EFCC1: variants seen among roughly 807,000 people sequenced by gnomAD.
EFCC1 encodes the protein EF-hand and coiled-coil domain containing 1.
Under a neutral mutation model 52.1 loss-of-function variants are expected in EFCC1, and 50 were observed. That is an observed-to-expected ratio of 0.96 (90% CI 0.76 to 1.21). EFCC1 has a LOEUF of 1.21. EFCC1 is among the 50% of genes most tolerant of loss of function. The probability of loss-of-function intolerance (pLI) is 0.00; values close to 1 mark genes in which losing one functional copy is unlikely to be tolerated. For synonymous variants in EFCC1, 399 were observed against 396.5 expected, an observed-to-expected ratio of 1.01 and a Z score of -0.08; for missense variants, 837 against 867.3, an observed-to-expected ratio of 0.97 and a Z score of 0.44.
chr3:129,018,917 G>A (rs1945708531), intron 2 of EFCC1, among the ~76,000 whole-genome samples: 1 of 152,126 alleles, frequency 6.6e-6, no homozygotes, highest in Admixed American at 6.5e-5. Flanking sequence ...TGCATCTTCT[G>A]GCTGCTTTTC....
intron 1 of EFCC1, among the ~76,000 whole-genome samples, chr3:129,002,947 T>C (rs746087275): frequency 7.9e-5 from 12 of 151,570 alleles, no homozygotes; most frequent in Non-Finnish European, 1.6e-4. Flanking sequence ...AACCATGGGG[T>C]GAGATAGGGA....
chr3:129,003,951 C>A lies in EFCC1; in HGVS notation c.854C>A (p.Ala285Glu). 5 of 1,418,118 alleles carry A rather than the reference C, an allele frequency of 3.5e-6. No homozygotes were observed. Among genetic ancestry groups the A allele is most frequent in the South Asian group, 1.4e-5 (1 of 69,700 alleles). The allele number at this position is 1,418,118 out of a possible 1,614,324, so 87.8% of individuals were successfully genotyped here. A position where few individuals can be genotyped will look rare whatever the true frequency, so the allele number is the denominator to read the frequency against. ...RRGQAEVRRR[A>E]EEARQVVLRS... ...GGCCAGGCCGAGGTGCGGCGGCGCG[C>A]GGAGGAGGCCCGGCAGGTGGTGCTG... Residue 285 changes from alanine to glutamate, a missense_variant, in exon 2 of 8, where the codon GCG becomes GAG. Transcript: ENST00000683648.
chr3:129,012,012 C>G (rs1460621979), intron 2 of EFCC1, among the ~76,000 whole-genome samples: 1 of 152,248 alleles, frequency 6.6e-6, no homozygotes, highest in Non-Finnish European at 1.5e-5. Flanking sequence ...CTGCTACTTC[C>G]CACAGGTGGG....
chr3:129,005,685 G>C (rs1406790016), intron 2 of EFCC1, among the ~76,000 whole-genome samples: 1 of 152,196 alleles, frequency 6.6e-6, no homozygotes, highest in Non-Finnish European at 1.5e-5. Context: ...GGGTGGAGCA[G>C]CCAGAAGGGG....
chr3:129,016,163 T>C (rs1945573776), intron 2 of EFCC1, among the ~76,000 whole-genome samples: 1 of 152,216 alleles, frequency 6.6e-6, no homozygotes, highest in Non-Finnish European at 1.5e-5. Context: ...ACCGCTCCCT[T>C]GGTTACAGCA....
chr3:129,004,064 C>A lies in EFCC1; in HGVS notation c.967C>A (p.Leu323Met), dbSNP rs1944944184. ...QRWVRRLEAE[L>M]QRYRSEDSQL... ...CTGGGTGCGGCGGCTGGAGGCGGAG[C>A]TGCAACGCTACAGGTGAGCGGGGGC... Residue 323 changes from leucine (L) to methionine (M), a missense_variant, in exon 2 of 8, where the codon CTG becomes ATG. Coordinates refer to ENST00000683648, the MANE Select transcript of EFCC1 (RefSeq NM_001377500.1). 6.6e-7 allele frequency: 1 copy of A among 1,509,368 alleles called. No homozygotes were observed. The highest frequency in any genetic ancestry group is 2.1e-5 in the Admixed American group (1 of 48,416). The allele number at this position is 1,509,368 out of a possible 1,614,324, so 93.5% of individuals were successfully genotyped here. A position where few individuals can be genotyped will look rare whatever the true frequency, so the allele number is the denominator to read the frequency against.
At chr3:129,032,988 A>G in intron 4 of EFCC1, 22 bp downstream of exon 4, 1 of 1,510,504 alleles carries the variant, frequency 6.6e-7, no homozygotes, top group Non-Finnish European at 8.9e-7. Flanking sequence ...GTCCAGCGTC[A>G]GCCACTGTGG....
chr3:129,026,396 C>T (rs1946109921), intron 2 of EFCC1, among the ~76,000 whole-genome samples: 1 of 151,950 alleles, frequency 6.6e-6, no homozygotes, highest in Non-Finnish European at 1.5e-5. Context: ...GGAAAGATTT[C>T]AATATTAATG....
intron 2 of EFCC1, among the ~76,000 whole-genome samples, chr3:129,024,816 T>C (rs2107923745): frequency 6.6e-6 from 1 of 152,236 alleles, no homozygotes; most frequent in African/African-American, 2.4e-5. Flanking sequence ...GGGGATTAGG[T>C]TTCCAACACG....
In EFCC1 at chr3:129,003,895, G is replaced by T. The variant is rs1418627671; in HGVS notation, c.798G>T (p.Ala266=). ...GTCAGGCGCAGGGCGCCCTGGCTGC[G>T]GCGGAGGCCCGCGCTGGGCGGCTGC... The part of the protein sequence containing the change: ...ELRQAQGALA[A]AEARAGRLRR... The change falls in exon 2 of 8, where the codon GCG becomes GCT. Residue 266 remains alanine, a synonymous_variant. Coordinates refer to ENST00000683648, the MANE Select transcript of EFCC1 (RefSeq NM_001377500.1). 1 of 1,377,354 alleles carries T rather than the reference G, an allele frequency of 7.3e-7. No homozygotes were observed. Among genetic ancestry groups the T allele is most frequent in the South Asian group, 1.6e-5 (1 of 63,758 alleles). 85.3% of individuals were successfully genotyped at this position (1,377,354 alleles called of 1,614,324 possible).
intron 2 of EFCC1, among the ~76,000 whole-genome samples, chr3:129,019,856 C>A (rs941011647): frequency 6.6e-6 from 1 of 150,724 alleles, no homozygotes. Flanking sequence ...GCAACCTCCA[C>A]CTCCCAGATT....
In EFCC1 at chr3:129,004,010, C is replaced by G. The variant is rs1358310889; in HGVS notation, c.913C>G (p.Leu305Val). The G allele has an allele frequency of 8.0e-6, 12 of 1,506,676 alleles. No individual in the cohort carries two copies. Among genetic ancestry groups the G allele is most frequent in the Non-Finnish European group, 9.7e-6 (11 of 1,134,938 alleles). 93.3% of individuals were successfully genotyped at this position (1,506,676 alleles called of 1,614,324 possible). A position where few individuals can be genotyped will look rare whatever the true frequency, so the allele number is the denominator to read the frequency against. The change falls in exon 2 of 8, where the codon CTG (leucine) becomes GTG (valine). Residue 305 changes from leucine to valine, a missense_variant. Leu to Val is a conservative substitution (Grantham distance 32). Transcript: ENST00000683648. ...SLHRVRELEA[L>V]AQQVPGLQRW... Reference sequence around the variant, plus strand: ...GCACCGCGTGCGAGAGCTGGAGGCGCTGGCGCAACAGGTGCCCGGCTTGCA... The same window carrying G: ...GCACCGCGTGCGAGAGCTGGAGGCGGTGGCGCAACAGGTGCCCGGCTTGCA...
intron 2 of EFCC1, among the ~76,000 whole-genome samples, chr3:129,023,857 G>T (rs993701373): frequency 2.0e-5 from 3 of 152,214 alleles, no homozygotes; most frequent in Non-Finnish European, 4.4e-5. Flanking sequence ...GGACAAAGCT[G>T]ATAGGAACTG....
intron 2 of EFCC1, among the ~76,000 whole-genome samples, chr3:129,028,371 A>C (rs1408606043): frequency 6.6e-6 from 1 of 152,028 alleles, no homozygotes; most frequent in Admixed American, 6.5e-5. Context: ...GGTGTGAACC[A>C]CCGTGCCCAG....
Position 129,002,306 on chromosome 3 carries a change from G to A in EFCC1, c.678G>A (p.Ala226=), listed in dbSNP as rs1323759677. The change falls in exon 1 of 8, where the codon GCG becomes GCA. Residue 226 remains alanine (A), a synonymous_variant. Coordinates refer to ENST00000683648, the MANE Select transcript of EFCC1 (RefSeq NM_001377500.1). The part of the protein sequence containing the change: ...DLRAALQSSD[A]RCLALQVGLW... The stretch of plus-strand genomic sequence containing the variant: ...GCGCCGCGCTGCAGAGCAGTGATGC[G>A]CGCTGCCTAGCACTGCAGGTGCGCG... The A allele has an allele frequency of 2.0e-6, 3 of 1,525,476 alleles. No individual in the cohort carries two copies. Among genetic ancestry groups the A allele is most frequent in the African/African-American group, 1.4e-5 (1 of 71,440 alleles). The allele number at this position is 1,525,476 out of a possible 1,614,324, so 94.5% of individuals were successfully genotyped here.
intron 2 of EFCC1, among the ~76,000 whole-genome samples, chr3:129,028,565 T>G (rs1176807340): frequency 6.6e-6 from 1 of 152,212 alleles, no homozygotes; most frequent in Non-Finnish European, 1.5e-5. Context: ...TTTTGGAAGT[T>G]TTCTTTTTGC....
intron 2 of EFCC1, among the ~76,000 whole-genome samples, chr3:129,008,713 G>A (rs996057581): frequency 1.3e-5 from 2 of 152,210 alleles, no homozygotes; most frequent in Non-Finnish European, 2.9e-5. Context: ...TGTAGGAGTT[G>A]CAGGTGAAAT....
intron 1 of EFCC1, 91 bp downstream of exon 1, chr3:129,002,415 C>A: frequency 1.4e-6 from 2 of 1,430,762 alleles, no homozygotes; most frequent in Non-Finnish European, 1.8e-6. Flanking sequence ...AGGACAGAGT[C>A]AGAGGAAGGG....
chr3:129,019,851 C>A (rs150880197), intron 2 of EFCC1, among the ~76,000 whole-genome samples: 1 of 149,026 alleles, frequency 6.7e-6, no homozygotes, highest in Non-Finnish European at 1.5e-5. Flanking sequence ...TCACTGCAAC[C>A]TCCACCTCCC....
Sources: allele counts gnomAD v4.1 joint callset (sites outside exome capture counted in the v4.1 genomes callset), GRCh38; gene constraint gnomAD v4.1.1; transcripts MANE v1.5; gene names NCBI Gene and HGNC (gene_info 2026-07-23, HGNC 2026-07-21).